Variants in NALF1 observed in about 807,000 individuals in gnomAD.
NALF1 encodes the protein NALCN channel auxiliary factor 1.
Under a neutral mutation model 48.4 loss-of-function variants are expected in NALF1, and 3 were observed. The observed-to-expected ratio is 0.06, with a 90% CI of 0.03 to 0.16. The LOEUF is 0.16. Among genes scored for constraint, NALF1 ranks in the 10% least tolerant of loss-of-function variants. The probability of loss-of-function intolerance (pLI) is 1.00; values close to 1 mark genes in which losing one functional copy is unlikely to be tolerated. For missense variants in NALF1, 526 were observed against 571.5 expected (o/e 0.92, Z 0.81); for synonymous variants, 262 against 245.7 (o/e 1.07, Z -0.62).
chr13:107,514,650 GGAAGTATA>G (rs1876002418), intron 1 of NALF1, among the ~76,000 whole-genome samples: 1 of 152,108 alleles, frequency 6.6e-6, no homozygotes, highest in South Asian at 2.1e-4. Flanking sequence ...CCTTTCACAT[GGAAGTATA>G]GAATAAATTA....
chr13:107,816,367 G>C (rs1480521754), intron 1 of NALF1, among the ~76,000 whole-genome samples: 1 of 152,134 alleles, frequency 6.6e-6, no homozygotes, highest in Non-Finnish European at 1.5e-5. Context: ...ACGTGGCTGG[G>C]GAGGCCTCAC....
At chr13:107,640,271 T>G (rs1880114619) in intron 1 of NALF1, among the ~76,000 whole-genome samples, 1 of 152,130 alleles carries the variant, frequency 6.6e-6, no homozygotes, top group South Asian at 2.1e-4. Context: ...AAATAAAAAT[T>G]ATAACCTGCC....
intron 1 of NALF1, among the ~76,000 whole-genome samples, chr13:107,287,987 C>T (rs1344396364): frequency 6.6e-6 from 1 of 151,868 alleles, no homozygotes; most frequent in East Asian, 1.9e-4. Flanking sequence ...GGATTACAGG[C>T]GTGAGCCACC....
chr13:107,235,292 A>C (rs1216752022), intron 1 of NALF1, among the ~76,000 whole-genome samples: 2 of 152,150 alleles, frequency 1.3e-5, no homozygotes, highest in East Asian at 3.8e-4. Context: ...TCTATTGAAA[A>C]TTTCTGCTGC....
At chr13:107,484,307 CTT>C (rs1167859402) in intron 1 of NALF1, among the ~76,000 whole-genome samples, 24 of 152,196 alleles carry the variant, frequency 1.6e-4, no homozygotes, top group African/African-American at 5.8e-4. Context: ...ATTTTTGACT[CTT>C]TTGCTTTATA....
intron 1 of NALF1, among the ~76,000 whole-genome samples, chr13:107,862,974 T>C (rs983835423): frequency 6.6e-6 from 1 of 151,394 alleles, no homozygotes; most frequent in African/African-American, 2.4e-5. Flanking sequence ...TCCCAAAAAT[T>C]TGTGGTGCTA....
At chr13:107,332,450 G>A (rs1045014373) in intron 1 of NALF1, among the ~76,000 whole-genome samples, 5 of 152,244 alleles carry the variant, frequency 3.3e-5, no homozygotes, top group Admixed American at 3.3e-4. Context: ...CAGAGCTACA[G>A]CCGGAGCAAA....
At chr13:107,526,512 G>A (rs1876448652) in intron 1 of NALF1, among the ~76,000 whole-genome samples, 1 of 151,984 alleles carries the variant, frequency 6.6e-6, no homozygotes, top group African/African-American at 2.4e-5. Context: ...ATTTTCCAAG[G>A]CAATACAGCA....
chr13:107,438,884 T>TA (rs536793730), intron 1 of NALF1, among the ~76,000 whole-genome samples: 126 of 143,686 alleles, frequency 8.8e-4, no homozygotes, highest in Middle Eastern at 3.6e-3. Context: ...GTTTGATTTT[T>TA]AAAAAAGACT....
At chr13:107,834,326 A>G (rs956973961) in intron 1 of NALF1, among the ~76,000 whole-genome samples, 9 of 152,200 alleles carry the variant, frequency 5.9e-5, no homozygotes, top group African/African-American at 2.2e-4. Context: ...ACTTAGGACA[A>G]CTGTGGTCAA....
chr13:107,185,039 G>C (rs993815991), intron 2 of NALF1, among the ~76,000 whole-genome samples: 1 of 152,162 alleles, frequency 6.6e-6, no homozygotes, highest in African/African-American at 2.4e-5. Flanking sequence ...AACACAGAGG[G>C]AAGATGATGT....
intron 1 of NALF1, among the ~76,000 whole-genome samples, chr13:107,473,561 A>G (rs971430668): frequency 6.6e-6 from 1 of 152,222 alleles, no homozygotes; most frequent in Admixed American, 6.5e-5. Flanking sequence ...CATATGTCTC[A>G]TAAAATACCA....
intron 1 of NALF1, among the ~76,000 whole-genome samples, chr13:107,714,039 T>C (rs564436491): frequency 1.2e-4 from 18 of 152,330 alleles, no homozygotes; most frequent in African/African-American, 4.1e-4. Flanking sequence ...TAGCTTTCAC[T>C]GCCAGTGAGG....
At chr13:107,308,214 T>TG (rs1302456328) in intron 1 of NALF1, among the ~76,000 whole-genome samples, 1 of 143,354 alleles carries the variant, frequency 7.0e-6, no homozygotes, top group Non-Finnish European at 1.5e-5. Context: ...TTTTTTTTTT[T>TG]TTTTTTAGAC....
intron 1 of NALF1, among the ~76,000 whole-genome samples, chr13:107,507,671 G>A (rs1030673348): frequency 1.4e-5 from 2 of 143,390 alleles, no homozygotes; most frequent in East Asian, 4.2e-4. Flanking sequence ...ACTTTTTCTA[G>A]AGTGCCAAAA....
intron 1 of NALF1, among the ~76,000 whole-genome samples, chr13:107,390,344 C>CA (rs1448998979): frequency 7.4e-6 from 1 of 134,676 alleles, no homozygotes. Flanking sequence ...GACTCTGTCT[C>CA]AAAAAAGAAA....
chr13:107,340,869 A>G (rs1054980578), intron 1 of NALF1, among the ~76,000 whole-genome samples: 2 of 152,292 alleles, frequency 1.3e-5, no homozygotes, highest in South Asian at 4.1e-4. Flanking sequence ...CAACAACTAT[A>G]TCTGTGAAGC....
chr13:107,805,231 T>C (rs560450308), intron 1 of NALF1, among the ~76,000 whole-genome samples: 20 of 152,356 alleles, frequency 1.3e-4, no homozygotes, highest in South Asian at 4.1e-4. Flanking sequence ...GTAAATTTCA[T>C]AGGTCACTTC....
intron 1 of NALF1, among the ~76,000 whole-genome samples, chr13:107,667,792 T>C (rs1315445328): frequency 6.6e-6 from 1 of 152,118 alleles, no homozygotes; most frequent in Non-Finnish European, 1.5e-5. Flanking sequence ...GCTGCTATAA[T>C]AGTTTCACAG....
Sources: gnomAD v4.1 joint callset for allele counts (sites outside exome capture counted in the v4.1 genomes callset) on GRCh38, gnomAD v4.1.1 for gene constraint, MANE v1.5 for transcripts, NCBI Gene and HGNC (gene_info 2026-07-23, HGNC 2026-07-21) for gene names.